Variants in PLEC observed in about 807,000 individuals in gnomAD.
The protein encoded by PLEC is hemidesmosomal protein 1.
A neutral mutation model predicts 392.8 loss-of-function variants in PLEC; 216 were observed. That is an observed-to-expected ratio of 0.55 (90% confidence interval 0.49 to 0.62). PLEC has a LOEUF of 0.62. Among genes scored for constraint, PLEC ranks in the 20% least tolerant of loss-of-function variants. The pLI is 0.00. For missense variants in PLEC, 6,863 were observed against 6,563.4 expected, an observed-to-expected ratio of 1.05 and a Z score of -1.58; for synonymous variants, 3,621 against 2,980.6, an observed-to-expected ratio of 1.21 and a Z score of -7.00.
intron 12 of PLEC, among the ~76,000 whole-genome samples, chr8:143,933,746 G>A (rs1205616991): frequency 3.3e-5 from 5 of 152,080 alleles, no homozygotes; most frequent in African/African-American, 7.2e-5. Context: ...GGGGCCTGGC[G>A]GGGGCAAGGC....
intron 17 of PLEC, 40 bp from the exon 18 acceptor site, chr8:143,932,072 C>T (rs782691821): frequency 1.0e-4 from 156 of 1,560,460 alleles, no homozygotes; most frequent in Middle Eastern, 2.3e-4. Context: ...CGCCCCGCCC[C>T]GCCTGGGGAC....
upstream of PLEC, chr8:143,939,640 G>C (rs1587246081): frequency 9.1e-6 from 13 of 1,422,248 alleles, no homozygotes; most frequent in East Asian, 3.5e-4. Context: ...CCCCGGCGAG[G>C]CCGGCCCGCC....
At chr8:143,940,278 G>A (rs1830201364), upstream of PLEC, among the ~76,000 whole-genome samples, 1 of 152,226 alleles carries the variant, frequency 6.6e-6, no homozygotes, top group Admixed American at 6.5e-5. Context: ...ACCTCACGTC[G>A]GAGGCGCGTA....
At position 143,917,286 on chromosome 8, in the gene PLEC, C is replaced by G; in HGVS notation, c.12535G>C (p.Glu4179Gln). ...LELSEQECEW[E>Q]EITISSSDGV... ...TCCGAGGAGGAGATGGTGATCTCCT[C>G]CCACTCGCACTCCTGCTCGGACAGC... Residue 4179 changes from glutamate to glutamine, a missense_variant, in exon 32 of 32, where the codon GAG becomes CAG. By Grantham distance (29) the Glu-to-Gln change is conservative. Transcript: ENST00000345136. The G allele has an allele frequency of 6.2e-7, 1 of 1,609,606 alleles. No individual in the cohort carries two copies. The highest frequency in any genetic ancestry group is 8.5e-7 in the Non-Finnish European group (1 of 1,178,384).
chr8:143,920,151 GCTC>G lies in PLEC; in HGVS notation c.9667_9669del (p.Glu3223del). On this transcript the variant is annotated inframe_deletion, in exon 32 of 32. Coordinates refer to ENST00000345136, the MANE Select transcript of PLEC (RefSeq NM_201384.3). ...TCACGGGCCTGCAGCTCTGAGTAGA[GCTC>G]CTCCTGCCGGGCCCGAGCAGCCTTT... 6.2e-7 allele frequency: 1 copy of G among 1,612,668 alleles called. No individual in the cohort carries two copies. The highest frequency in any genetic ancestry group is 8.5e-7 in the Non-Finnish European group (1 of 1,180,020).
rs548839677 is a variant in PLEC, at chr8:143,916,314, G to T, written c.13507C>A (p.Arg4503Ser). The change falls in exon 32 of 32, where the codon CGC becomes AGC. Residue 4503 changes from arginine (R) to serine (S), a missense_variant. By Grantham distance (110) the Arg-to-Ser change is moderately radical. Coordinates refer to ENST00000345136, the MANE Select transcript of PLEC (RefSeq NM_201384.3). ...GAGCCGGTGGCGTCAAAGCTGCCGCGGCGGGAGCCGGCCCGGGAGCCGGTG... is the reference window on the plus strand; with the variant it reads ...GAGCCGGTGGCGTCAAAGCTGCCGCTGCGGGAGCCGGCCCGGGAGCCGGTG... Reference protein sequence around the residue: ...SRTGSRAGSRRGSFDATGSGF... With the variant: ...SRTGSRAGSRSGSFDATGSGF... 2 of 1,583,776 alleles carry T rather than the reference G, an allele frequency of 1.3e-6. No individual in the cohort carries two copies. The highest frequency in any genetic ancestry group is 1.7e-6 in the Non-Finnish European group (2 of 1,167,530).
At chr8:143,947,022 A>G (rs1453035546) in intron 1 of PLEC, among the ~76,000 whole-genome samples, 1 of 152,038 alleles carries the variant, frequency 6.6e-6, no homozygotes, top group Non-Finnish European at 1.5e-5. Context: ...ATCAAATCCC[A>G]TCGTAACTAC....
At position 143,916,667 on chromosome 8, in the gene PLEC, T is replaced by C. The variant is rs1554669872; in HGVS notation, c.13154A>G (p.Gln4385Arg). 6.2e-7 allele frequency: 1 copy of C among 1,611,298 alleles called. No homozygotes were observed. The highest frequency in any genetic ancestry group is 1.3e-5 in the African/African-American group (1 of 74,878). The change falls in exon 32 of 32, where the codon CAG becomes CGG. Residue 4385 changes from glutamine to arginine, a missense_variant. Coordinates refer to ENST00000345136, the MANE Select transcript of PLEC (RefSeq NM_201384.3). The stretch of plus-strand genomic sequence containing the variant: ...CAGGTACTGCACCTCCAGGAAGCGC[T>C]GGCCGGCCTCGTAGTAGAGCCAGCC... Reference protein sequence around the residue: ...KKGWLYYEAGQRFLEVQYLTG... With the variant: ...KKGWLYYEAGRRFLEVQYLTG...
intron 19 of PLEC, 45 bp from the exon 20 acceptor site, chr8:143,930,581 C>T (rs1554714291): frequency 6.4e-7 from 1 of 1,552,356 alleles, no homozygotes; most frequent in Non-Finnish European, 8.7e-7. Context: ...TGGAGACCCA[C>T]AGGCCTGCCC....
Position 143,928,699 on chromosome 8 carries a change from G to A in PLEC, c.3260+404C>T, listed in dbSNP as rs550264480. Among the ~76,000 whole-genome samples, 8 of 152,332 alleles carry A rather than the reference G, an allele frequency of 5.3e-5. No homozygotes were observed. In the East Asian group the frequency reaches 5.8e-4, roughly 11 times the overall value. On this transcript the variant is annotated intron_variant, in intron 25 of 31. Coordinates refer to ENST00000345136, the MANE Select transcript of PLEC (RefSeq NM_201384.3). Reference sequence around the variant, plus strand: ...ACCTGTGGTTTGCAACACAGGAAGAGACTATGACATAACACATTGGAAATA... The same window carrying A: ...ACCTGTGGTTTGCAACACAGGAAGAAACTATGACATAACACATTGGAAATA...
chr8:143,935,764 TG>T, intron 6 of PLEC, 83 bp downstream of exon 6: 1 of 1,469,454 alleles, frequency 6.8e-7, no homozygotes, highest in Non-Finnish European at 9.4e-7. Flanking sequence ...CCCTCCTCCC[TG>T]CCCCAACGTG....
Position 143,916,951 on chromosome 8 carries a change from C to T in PLEC, c.12870G>A (p.Glu4290=), listed in dbSNP as rs781862452. The T allele has an allele frequency of 6.2e-7, 1 of 1,612,846 alleles. No homozygotes were observed. The highest frequency in any genetic ancestry group is 1.7e-5 in the Admixed American group (1 of 60,022). ...VAGILDTETL[E]KVSITEAMHR... is the part of the protein sequence containing the mutation. ...GCATGGCCTCGGTGATGGACACCTT[C>T]TCCAGCGTCTCCGTGTCCAGGATGC... is the stretch of plus-strand genomic sequence containing the variant. The change falls in exon 32 of 32, where the codon GAG becomes GAA. Residue 4290 remains glutamate, a synonymous_variant. Transcript: ENST00000345136.
intron 24 of PLEC, 40 bp from the exon 25 acceptor site, chr8:143,929,321 G>A (rs782269408): frequency 4.4e-6 from 7 of 1,591,890 alleles, no homozygotes; most frequent in African/African-American, 2.7e-5. Flanking sequence ...ATCACCGAGC[G>A]CAGCACACAG....
intron 3 of PLEC, 148 bp downstream of exon 3, chr8:143,938,003 G>C (rs13439518): frequency 1.5e-6 from 1 of 660,134 alleles, no homozygotes; most frequent in Admixed American, 2.3e-5. Context: ...TGCCAGGGAC[G>C]AGGCCAGCCT....
Position 143,920,238 on chromosome 8 carries a change from G to T in PLEC, c.9583C>A (p.Leu3195Ile). The T allele has an allele frequency of 6.2e-7, 1 of 1,602,488 alleles. No individual in the cohort carries two copies. Among genetic ancestry groups the T allele is most frequent in the South Asian group, 1.1e-5 (1 of 90,654 alleles). The change falls in exon 32 of 32, where the codon CTC (leucine) becomes ATC (isoleucine). Residue 3195 changes from leucine (L) to isoleucine (I), a missense_variant. Leu to Ile is a conservative substitution (Grantham distance 5). Transcript: ENST00000345136. ...TGGTCGGGCCGGCACCGCTGCTGGA[G>T]CTCGCCGTAGGTGGCCGGCTCCCCT... is the stretch of plus-strand genomic sequence containing the variant. ...STGEPATYGE[L>I]QQRCRPDQLT...
chr8:143,933,574 G>A (rs1828044444), intron 12 of PLEC, among the ~76,000 whole-genome samples: 1 of 152,138 alleles, frequency 6.6e-6, no homozygotes, highest in Non-Finnish European at 1.5e-5. Context: ...CAAGAACCGA[G>A]ACCCCCATGA....
chr8:143,942,647 A>C, upstream of PLEC: 7 of 1,136,236 alleles, frequency 6.2e-6, no homozygotes, highest in Non-Finnish European at 5.9e-6. Flanking sequence ...TCCCCCCCAC[A>C]ATCCGCCCAC....
chr8:143,951,232 G>A (rs1280440815), upstream of PLEC, among the ~76,000 whole-genome samples: 2 of 152,212 alleles, frequency 1.3e-5, no homozygotes, highest in African/African-American at 4.8e-5. Flanking sequence ...GAGGGCAGGA[G>A]GGGTACTCGG....
chr8:143,975,491 C>T (rs1006048177), upstream of PLEC: 3 of 839,634 alleles, frequency 3.6e-6, no homozygotes, highest in Non-Finnish European at 5.8e-6. This position sits in a 1 kb window ranked among gnomAD's most constrained non-coding sequence, Gnocchi z 9.9. Context: ...CAGCCTCTCG[C>T]CTGGACACTG....
Sources: gnomAD v4.1 joint callset for allele counts (sites outside exome capture counted in the v4.1 genomes callset) on GRCh38, gnomAD v4.1.1 for gene constraint, Gnocchi (gnomAD v3.1) non-coding constraint, MANE v1.5 for transcripts, NCBI Gene and HGNC (gene_info 2026-07-23, HGNC 2026-07-21) for gene names.